TBCEL: variants seen among roughly 807,000 people sequenced by gnomAD.
TBCEL encodes the protein tubulin folding cofactor E like.
Under a neutral mutation model 44.2 loss-of-function variants are expected in TBCEL, and 15 were observed. That is an observed-to-expected ratio of 0.34 (90% CI 0.23 to 0.52). The LOEUF (loss-of-function observed/expected upper bound fraction) is 0.52, where lower values mean the gene tolerates loss of function less well. Ranked by LOEUF, TBCEL falls within the 20% of genes least tolerant of loss-of-function variation. The pLI, the probability that TBCEL is intolerant of heterozygous loss-of-function variation, is 0.95. For missense variants in TBCEL, 319 were observed against 506.3 expected (o/e 0.63, Z 3.55); for synonymous variants, 171 against 185.4 (o/e 0.92, Z 0.63).
chr11:121,034,763 A>T (rs753402629), intron 1 of TBCEL, among the ~76,000 whole-genome samples: 34 of 152,216 alleles, frequency 2.2e-4, no homozygotes, highest in Non-Finnish European at 3.8e-4. Flanking sequence ...AAATGAAAAG[A>T]TGACATGCCA....
chr11:121,067,652 C>T (rs1052857798), intron 8 of TBCEL, among the ~76,000 whole-genome samples: 2 of 152,160 alleles, frequency 1.3e-5, no homozygotes, highest in East Asian at 1.9e-4. Context: ...GTCATCTGTG[C>T]CGTGTTTCTT....
intron 8 of TBCEL, among the ~76,000 whole-genome samples, chr11:121,060,367 CT>C (rs981523494): frequency 2.0e-5 from 3 of 151,838 alleles, no homozygotes; most frequent in Non-Finnish European, 4.4e-5. Flanking sequence ...ATCACTGATT[CT>C]TTTTTGATCT....
At chr11:121,039,516 C>T (rs143427408) in intron 2 of TBCEL, among the ~76,000 whole-genome samples, 2,761 of 152,204 alleles carry the variant, frequency 0.018, 41 homozygotes, top group Middle Eastern at 0.054. Context: ...ATCTGGTACA[C>T]GCTTGTTGAA....
chr11:121,068,380 G>A (rs573125766), intron 8 of TBCEL, among the ~76,000 whole-genome samples: 1 of 151,480 alleles, frequency 6.6e-6, no homozygotes, highest in African/African-American at 2.4e-5. Context: ...CCCACATCTG[G>A]TCTGTTTTTT....
At position 121,068,380 on chromosome 11, in the gene TBCEL, G is replaced by T. The variant is rs573125766; in HGVS notation, c.956+8295G>T. 2.6e-5 allele frequency among the ~76,000 whole-genome samples: 4 copies of T among 151,598 alleles called. No individual in the cohort carries two copies. In the East Asian group the frequency reaches 7.8e-4, roughly 29 times the overall value. ...TTTTTTCTCCCACACCCCACATCTG[G>T]TCTGTTTTTTTTTTCTTTCAGTTCT... On this transcript the variant is annotated intron_variant, in intron 8 of 8. Transcript: ENST00000683345.
intron 8 of TBCEL, among the ~76,000 whole-genome samples, chr11:121,066,328 A>G (rs1434592187): frequency 2.0e-5 from 3 of 152,188 alleles, no homozygotes; most frequent in Non-Finnish European, 4.4e-5. Context: ...TCCCAGTTAT[A>G]GTTAGACAGG....
intron 1 of TBCEL, among the ~76,000 whole-genome samples, chr11:121,031,087 C>T (rs186760007): frequency 1.8e-3 from 281 of 152,274 alleles, no homozygotes; most frequent in Non-Finnish European, 3.0e-3. Flanking sequence ...CTCCACACTG[C>T]ATTCCCCCCC....
intron 8 of TBCEL, among the ~76,000 whole-genome samples, chr11:121,070,053 G>T (rs1945898576): frequency 6.6e-6 from 1 of 152,140 alleles, no homozygotes; most frequent in African/African-American, 2.4e-5. Context: ...GATATGAACA[G>T]ACACTTCTCA....
At chr11:121,076,842 A>C (rs12577160) in intron 8 of TBCEL, among the ~76,000 whole-genome samples, 1 of 151,948 alleles carries the variant, frequency 6.6e-6, no homozygotes, top group East Asian at 1.9e-4. Flanking sequence ...TTCTATTCCA[A>C]GTTTGCTGGA....
At chr11:121,041,508 T>C (rs1464954700) in intron 2 of TBCEL, among the ~76,000 whole-genome samples, 1 of 152,198 alleles carries the variant, frequency 6.6e-6, no homozygotes, top group African/African-American at 2.4e-5. Flanking sequence ...CCTGGCTCTC[T>C]GGCTTTCAGC....
intron 2 of TBCEL, among the ~76,000 whole-genome samples, chr11:121,039,107 T>A (rs957282349): frequency 2.0e-5 from 3 of 152,208 alleles, no homozygotes; most frequent in African/African-American, 4.8e-5. Context: ...AAGAAAGTCA[T>A]GACCTTACTG....
intron 8 of TBCEL, among the ~76,000 whole-genome samples, chr11:121,081,534 TCTACCTCTTC>T (rs751198879): frequency 3.3e-5 from 5 of 152,210 alleles, no homozygotes; most frequent in African/African-American, 4.8e-5. Flanking sequence ...GCAGAAACCA[TCTACCTCTTC>T]AGAGTATACT....
intron 8 of TBCEL, among the ~76,000 whole-genome samples, chr11:121,073,838 C>A (rs1216658724): frequency 6.6e-6 from 1 of 151,816 alleles, no homozygotes; most frequent in Non-Finnish European, 1.5e-5. Flanking sequence ...ATATTTTCTT[C>A]TGTAAATTTT....
intron 8 of TBCEL, among the ~76,000 whole-genome samples, chr11:121,068,487 A>G (rs540044319): frequency 6.6e-6 from 1 of 151,786 alleles, no homozygotes; most frequent in Admixed American, 6.6e-5. Flanking sequence ...TACTTGTGTT[A>G]TTGTAGTAGC....
intron 2 of TBCEL, among the ~76,000 whole-genome samples, chr11:121,037,069 T>A (rs976072686): frequency 6.6e-6 from 1 of 152,166 alleles, no homozygotes; most frequent in African/African-American, 2.4e-5. Context: ...AATTCACATT[T>A]CATCTGGCAG....
rs936356970 is a variant in TBCEL, at chr11:121,036,148, A to G, written c.-125-357A>G. On this transcript the variant is annotated intron_variant, in intron 1 of 8. Coordinates refer to ENST00000683345, the MANE Select transcript of TBCEL (RefSeq NM_001363644.2). ...ATAAGTTAGTTTTTCTGTTTCAGAG[A>G]GTGGTTATGGAAAACTACTAGGCTT... 2.0e-5 allele frequency: 3 copies of G among 152,300 alleles called. No homozygotes were observed. In the East Asian group the frequency reaches 5.8e-4, roughly 29 times the overall value. 9.4% of individuals were successfully genotyped at this position (152,300 alleles called of 1,614,324 possible).
intron 8 of TBCEL, among the ~76,000 whole-genome samples, chr11:121,070,665 G>A (rs1032971646): frequency 6.7e-6 from 1 of 149,524 alleles, no homozygotes; most frequent in African/African-American, 2.5e-5. Context: ...AGAACACTTG[G>A]ACACAGGGCA....
intron 1 of TBCEL, among the ~76,000 whole-genome samples, chr11:121,026,315 A>G (rs566072821): frequency 1.3e-5 from 2 of 152,336 alleles, no homozygotes; most frequent in African/African-American, 4.8e-5. Flanking sequence ...ATAAACATTA[A>G]TGACTGTTGG....
At position 121,085,651 on chromosome 11, in the gene TBCEL, T is replaced by A. The variant is rs550142056; in HGVS notation, c.957-1127T>A. ...CACTTATTGGAAATGATTACTTCCA[T>A]CTCTAAGCACAGCAATCTTTTTTTT... On this transcript the variant is annotated intron_variant, in intron 8 of 8. Coordinates refer to ENST00000683345, the MANE Select transcript of TBCEL (RefSeq NM_001363644.2). 9.9e-5 allele frequency among the ~76,000 whole-genome samples: 15 copies of A among 152,284 alleles called. No individual in the cohort carries two copies. In the South Asian group the frequency reaches 3.1e-3, roughly 32 times the overall value.
Sources: gnomAD v4.1 joint callset for allele counts (sites outside exome capture counted in the v4.1 genomes callset) on GRCh38, gnomAD v4.1.1 for gene constraint, MANE v1.5 for transcripts, NCBI Gene and HGNC (gene_info 2026-07-23, HGNC 2026-07-21) for gene names.